PKIB: variants seen among roughly 807,000 people sequenced by gnomAD.
PKIB encodes cAMP-dependent protein kinase inhibitor beta.
In PKIB, 2 loss-of-function variants were observed where a neutral mutation model predicts 4.5. The ratio of observed to expected loss-of-function variants is 0.44; its 90% CI spans 0.18 to 1.39. The LOEUF (loss-of-function observed/expected upper bound fraction) is 1.39, where lower values mean the gene tolerates loss of function less well. Among genes scored for constraint, PKIB ranks in the 40% most tolerant of loss-of-function variants. PKIB has a pLI of 0.27. For synonymous variants in PKIB, 38 were observed against 36.0 expected, an observed-to-expected ratio of 1.06 and a Z score of -0.20; for missense variants, 94 against 92.6, an observed-to-expected ratio of 1.02 and a Z score of -0.06.
At chr6:122,490,042 A>G (rs140154673) in intron 2 of PKIB, among the ~76,000 whole-genome samples, 1 of 152,358 alleles carries the variant, frequency 6.6e-6, no homozygotes, top group African/African-American at 2.4e-5. Context: ...TGGGAGTTAA[A>G]TATGCATCCA....
At chr6:122,687,612 CTT>C (rs1778144808) in intron 3 of PKIB, among the ~76,000 whole-genome samples, 1 of 151,992 alleles carries the variant, frequency 6.6e-6, no homozygotes, top group Non-Finnish European at 1.5e-5. Context: ...CATGGAATAT[CTT>C]ATCATTTTTT....
At chr6:122,608,924 A>C (rs1393087888), upstream of PKIB, among the ~76,000 whole-genome samples, 1 of 152,128 alleles carries the variant, frequency 6.6e-6, no homozygotes, top group Non-Finnish European at 1.5e-5. Flanking sequence ...TACCTCTAAA[A>C]TAAATAAACC....
chr6:122,557,052 A>G (rs150744943), intron 2 of PKIB, among the ~76,000 whole-genome samples: 4,774 of 152,232 alleles, frequency 0.031, 113 homozygotes, highest in Non-Finnish European at 0.046. Context: ...TGTCTCTACT[A>G]AAAATACAAA....
At chr6:122,488,924 C>T (rs1297322705) in intron 2 of PKIB, among the ~76,000 whole-genome samples, 1 of 152,154 alleles carries the variant, frequency 6.6e-6, no homozygotes, top group African/African-American at 2.4e-5. Flanking sequence ...CATAATACCA[C>T]AGGGATCATT....
chr6:122,647,872 CT>C (rs1776389024), intron 2 of PKIB, among the ~76,000 whole-genome samples: 1 of 152,230 alleles, frequency 6.6e-6, no homozygotes, highest in Non-Finnish European at 1.5e-5. Flanking sequence ...GCTCATGGTT[CT>C]TAGCCTGGCG....
At chr6:122,523,791 A>AC (rs1212544548) in intron 2 of PKIB, among the ~76,000 whole-genome samples, 1 of 151,982 alleles carries the variant, frequency 6.6e-6, no homozygotes, top group East Asian at 1.9e-4. Context: ...TCAAGAAAAA[A>AC]AAAAAAGGAT....
At chr6:122,577,291 G>T (rs1225297609) in intron 2 of PKIB, among the ~76,000 whole-genome samples, 2 of 152,166 alleles carry the variant, frequency 1.3e-5, no homozygotes, top group African/African-American at 4.8e-5. Flanking sequence ...AAAGTATGTG[G>T]AATAATTTTT....
rs147004852 is a variant in PKIB, at chr6:122,577,660, A to C, written c.-247-8261A>C. On this transcript the variant is annotated intron_variant, in intron 2 of 6. Coordinates refer to the PKIB transcript ENST00000392491. ...CGCTGTGGCTCATGCCTGTAATCCTAGCACTTTAGGAGGCCAAGGCGGGCA... is the reference window on the plus strand; with the variant it reads ...CGCTGTGGCTCATGCCTGTAATCCTCGCACTTTAGGAGGCCAAGGCGGGCA... Among the ~76,000 whole-genome samples the C allele has an allele frequency of 2.8e-3, 422 of 152,282 alleles. 4 individuals are homozygous for C. Among genetic ancestry groups the C allele is most frequent in the African/African-American group, 9.6e-3 (399 of 41,554 alleles).
At chr6:122,506,255 G>A (rs528222164) in intron 2 of PKIB, among the ~76,000 whole-genome samples, 4 of 152,166 alleles carry the variant, frequency 2.6e-5, no homozygotes, top group East Asian at 1.9e-4. Context: ...TTGATAATTA[G>A]GTCGAATATT....
chr6:122,561,871 T>C (rs1258440048), intron 2 of PKIB, among the ~76,000 whole-genome samples: 1 of 152,034 alleles, frequency 6.6e-6, no homozygotes, highest in East Asian at 1.9e-4. Flanking sequence ...ACCCATTCCA[T>C]GGTTCTATAT....
chr6:122,544,241 A>G (rs1035874169), intron 2 of PKIB, among the ~76,000 whole-genome samples: 1 of 152,072 alleles, frequency 6.6e-6, no homozygotes, highest in African/African-American at 2.4e-5. Flanking sequence ...AATTTAAACT[A>G]GATATTAAAG....
intron 1 of PKIB, among the ~76,000 whole-genome samples, chr6:122,610,827 C>T (rs1327425740): frequency 6.6e-6 from 1 of 152,198 alleles, no homozygotes; most frequent in Admixed American, 6.5e-5. Flanking sequence ...CCCACTCTGC[C>T]CTGCAGGTGG....
intron 1 of PKIB, among the ~76,000 whole-genome samples, chr6:122,475,521 C>T (rs1278321958): frequency 1.3e-5 from 2 of 152,046 alleles, no homozygotes; most frequent in Non-Finnish European, 2.9e-5. Context: ...TGTGGTGGCT[C>T]ACGCCTGTAA....
intron 2 of PKIB, among the ~76,000 whole-genome samples, chr6:122,643,062 A>G (rs183685172): frequency 6.6e-6 from 1 of 152,300 alleles, no homozygotes; most frequent in Non-Finnish European, 1.5e-5. Flanking sequence ...GAATAAATTA[A>G]AGCTATATTG....
chr6:122,527,708 A>G (rs556669729), intron 2 of PKIB, among the ~76,000 whole-genome samples: 1 of 152,308 alleles, frequency 6.6e-6, no homozygotes, highest in South Asian at 2.1e-4. Flanking sequence ...CAGATATAAT[A>G]ATAATGATGA....
chr6:122,701,547 G>A (rs77577630), intron 3 of PKIB: 2 of 1,578,596 alleles, frequency 1.3e-6, no homozygotes, highest in Admixed American at 1.8e-5. Flanking sequence ...GCATTGCAGA[G>A]TTAAAAGAGA....
upstream of PKIB, among the ~76,000 whole-genome samples, chr6:122,606,311 G>T (rs35557981): frequency 6.6e-6 from 1 of 152,090 alleles, no homozygotes; most frequent in Admixed American, 6.5e-5. Flanking sequence ...GGTGGCCCAC[G>T]CCTGTAATCC....
intron 2 of PKIB, 67 bp downstream of exon 2, chr6:122,633,434 A>T (rs187435367): frequency 3.3e-5 from 5 of 152,312 alleles, no homozygotes. Context: ...GTTCCTAAAA[A>T]TATATTTGTT....
At chr6:122,551,869 T>C (rs1582693643) in intron 2 of PKIB, among the ~76,000 whole-genome samples, 1 of 141,312 alleles carries the variant, frequency 7.1e-6, no homozygotes, top group East Asian at 2.1e-4. Flanking sequence ...TTTGACTTAG[T>C]ACATCTTTTT....
Sources: gnomAD v4.1 joint callset for allele counts (sites outside exome capture counted in the v4.1 genomes callset) on GRCh38, gnomAD v4.1.1 for gene constraint, MANE v1.5 for transcripts, NCBI Gene and HGNC (gene_info 2026-07-23, HGNC 2026-07-21) for gene names.